Variants in AMBP observed in about 807,000 individuals in gnomAD.
AMBP encodes protein AMBP.
AMBP carries 37 observed loss-of-function variants against 46.3 expected under a neutral mutation model. The observed-to-expected ratio is 0.80, with a 90% CI of 0.61 to 1.05. The LOEUF (loss-of-function observed/expected upper bound fraction) is 1.05. AMBP is among the 50% of genes least tolerant of loss of function. The pLI is 0.00. For missense variants in AMBP, 475 were observed against 461.2 expected (o/e 1.03, Z -0.27); for synonymous variants, 174 against 175.9 (o/e 0.99, Z 0.09).
At chr9:114,077,449 C>T (rs1054291166) in intron 1 of AMBP, 7 of 153,250 alleles carry the variant, frequency 4.6e-5, no homozygotes, top group Non-Finnish European at 8.7e-5. Flanking sequence ...AAAGCCACCC[C>T]GGGATTTAGG....
intron 1 of AMBP, chr9:114,077,475 G>A (rs1171645571): frequency 3.3e-5 from 5 of 153,336 alleles, no homozygotes; most frequent in African/African-American, 1.2e-4. Context: ...GTGGGGGCTG[G>A]AAGGCAGCTC....
intron 3 of AMBP, 131 bp downstream of exon 3, chr9:114,074,829 T>A: frequency 2.9e-6 from 2 of 693,846 alleles, no homozygotes; most frequent in Admixed American, 2.3e-5. Context: ...AGAGGAGGAG[T>A]TGTTTGGGGG....
chr9:114,066,104 CAG>C (rs1846690519), intron 6 of AMBP, among the ~76,000 whole-genome samples: 1 of 152,154 alleles, frequency 6.6e-6, no homozygotes, highest in African/African-American at 2.4e-5. Context: ...CTGATCAACA[CAG>C]GGGTATTAGG....
chr9:114,064,577 G>T (rs1201844433), intron 6 of AMBP, among the ~76,000 whole-genome samples: 1 of 151,788 alleles, frequency 6.6e-6, no homozygotes, highest in Non-Finnish European at 1.5e-5. Context: ...CATTGATAAA[G>T]AAATACAGAT....
Position 114,073,004 on chromosome 9 carries a change from T to C in AMBP, c.477A>G (p.Glu159=), listed in dbSNP as rs776429300. Residue 159 remains glutamate (E), a synonymous_variant, in exon 5 of 10, where the codon GAA becomes GAG. Coordinates refer to ENST00000265132, the MANE Select transcript of AMBP (RefSeq NM_001633.4). ...CCACTCTGAAGTCCTGCAGGAGAGT[T>C]TCCCTCAGCTGCGGCGCCCGCCCTG... ...KLYGRAPQLR[E]TLLQDFRVVA... is the part of the protein sequence containing the mutation. The C allele has an allele frequency of 6.2e-7, 1 of 1,613,708 alleles. No homozygotes were observed. Among genetic ancestry groups the C allele is most frequent in the African/African-American group, 1.3e-5 (1 of 75,018 alleles).
intron 6 of AMBP, among the ~76,000 whole-genome samples, chr9:114,064,784 A>G (rs1191400171): frequency 6.6e-6 from 1 of 152,194 alleles, no homozygotes; most frequent in Admixed American, 6.5e-5. Context: ...AAAAAAACAC[A>G]AGACATTTTG....
At chr9:114,066,145 G>A (rs368433801) in intron 6 of AMBP, among the ~76,000 whole-genome samples, 5 of 152,124 alleles carry the variant, frequency 3.3e-5, no homozygotes, top group Non-Finnish European at 5.9e-5. Flanking sequence ...ATCTTGGGAC[G>A]TCTCTGAAAT....
At chr9:114,062,250 G>C (rs1400278536) in intron 7 of AMBP, among the ~76,000 whole-genome samples, 1 of 152,204 alleles carries the variant, frequency 6.6e-6, no homozygotes, top group Non-Finnish European at 1.5e-5. Flanking sequence ...TTCAGTGTTT[G>C]TTTGCTGATC....
At position 114,078,198 on chromosome 9, in the gene AMBP, G is replaced by A. The variant is rs373102429; in HGVS notation, c.12C>T (p.Leu4=). Residue 4 remains leucine (L), a synonymous_variant, in exon 1 of 10, where the codon CTC becomes CTT. Transcript: ENST00000265132. MRS[L]GALLLLLSAC... Reference sequence around the variant, plus strand: ...CGCTCAGCAGCAAGAGCAGGGCCCCGAGGCTCCTCATGGCTATGGGCTCCT... The same window carrying A: ...CGCTCAGCAGCAAGAGCAGGGCCCCAAGGCTCCTCATGGCTATGGGCTCCT... 27 of 1,612,520 alleles carry A rather than the reference G, an allele frequency of 1.7e-5. No homozygotes were observed. In the Admixed American group the frequency reaches 2.3e-4, roughly 14 times the overall value.
chr9:114,062,614 C>T, intron 7 of AMBP, 63 bp downstream of exon 7: 1 of 1,545,086 alleles, frequency 6.5e-7, no homozygotes, highest in Non-Finnish European at 8.9e-7. Flanking sequence ...CCAGGGTGAG[C>T]CAACTGTGGG....
intron 7 of AMBP, among the ~76,000 whole-genome samples, chr9:114,062,088 G>A (rs560140401): frequency 3.3e-5 from 5 of 152,118 alleles, no homozygotes; most frequent in East Asian, 1.9e-4. Context: ...CCCCTCCAAC[G>A]TCTCAGCTCC....
At chr9:114,070,702 G>A (rs1846735750) in intron 5 of AMBP, among the ~76,000 whole-genome samples, 1 of 152,276 alleles carries the variant, frequency 6.6e-6, no homozygotes, top group East Asian at 1.9e-4. Flanking sequence ...AAATGGGAGT[G>A]GCGTCCGCTT....
At chr9:114,066,134 C>T (rs1002366062) in intron 6 of AMBP, among the ~76,000 whole-genome samples, 1 of 152,168 alleles carries the variant, frequency 6.6e-6, no homozygotes, top group African/African-American at 2.4e-5. Context: ...CCCTTTGCAG[C>T]ATCTTGGGAC....
chr9:114,066,376 CGTGTGTGT>C (rs55940547), intron 6 of AMBP, among the ~76,000 whole-genome samples: 42 of 141,276 alleles, frequency 3.0e-4, no homozygotes, highest in Middle Eastern at 3.5e-3. Context: ...TTTATGTGCA[CGTGTGTGT>C]GTGTGTGTGT....
At chr9:114,068,321 C>G (rs952749091) in intron 6 of AMBP, among the ~76,000 whole-genome samples, 9 of 151,934 alleles carry the variant, frequency 5.9e-5, no homozygotes, top group African/African-American at 2.2e-4. Context: ...ATCAAAAGTC[C>G]AGGCACAGTG....
In AMBP at chr9:114,069,712, G is replaced by A. The variant is rs1198312314; in HGVS notation, c.590C>T (p.Pro197Leu). ...ECVPGEQEPEPILIPRVRRAV... is the reference protein window; with the variant it reads ...ECVPGEQEPELILIPRVRRAV... ...TGAGGCACTCACCGGGATTAAGATGGGCTCTGGTTCCTGCTCCCCAGGGAC... is the reference window on the plus strand; with the variant it reads ...TGAGGCACTCACCGGGATTAAGATGAGCTCTGGTTCCTGCTCCCCAGGGAC... The change falls in exon 6 of 10, where the codon CCC (proline) becomes CTC (leucine). Residue 197 changes from proline (P) to leucine (L), a missense_variant. By Grantham distance (98) the Pro-to-Leu change is moderately conservative (BLOSUM62 -3). Transcript: ENST00000265132. The A allele has an allele frequency of 2.5e-6, 4 of 1,613,810 alleles. No individual in the cohort carries two copies. In the Admixed American group the frequency reaches 5.0e-5, roughly 20 times the overall value.
At chr9:114,078,000 G>A (rs1846832506) in intron 1 of AMBP, 93 bp downstream of exon 1, 3 of 1,231,900 alleles carry the variant, frequency 2.4e-6, no homozygotes, top group Admixed American at 3.5e-5. Context: ...GGAAGCCTGA[G>A]ACCCCGAGAC....
chr9:114,060,367 G>T, intron 9 of AMBP, 97 bp from the exon 10 acceptor site: 1 of 1,326,060 alleles, frequency 7.5e-7, no homozygotes, highest in South Asian at 1.3e-5. Context: ...TCTGCTTGCT[G>T]AATCATTTAT....
rs762090882 is a variant in AMBP, at chr9:114,074,133, C to T, written c.357G>A (p.Glu119=). 6.2e-7 allele frequency: 1 copy of T among 1,614,128 alleles called. No homozygotes were observed. Among genetic ancestry groups the T allele is most frequent in the Non-Finnish European group, 8.5e-7 (1 of 1,180,012 alleles). Residue 119 remains glutamate (E), a synonymous_variant, in exon 4 of 10, where the codon GAG becomes GAA. Coordinates refer to ENST00000265132, the MANE Select transcript of AMBP (RefSeq NM_001633.4). ...YHKSKWNITM[E]SYVVHTNYDE... is the part of the protein sequence containing the mutation. ...CATAGTTGGTGTGGACCACATAGGA[C>T]TCCATGGTTATGTTCCATTCTGCAT...
Sources: allele counts gnomAD v4.1 joint callset (sites outside exome capture counted in the v4.1 genomes callset), GRCh38; gene constraint gnomAD v4.1.1; transcripts MANE v1.5; gene names NCBI Gene and HGNC (gene_info 2026-07-23, HGNC 2026-07-21).